POLR2J: variants seen among roughly 807,000 people sequenced by gnomAD.
POLR2J encodes RNA polymerase II subunit J, also known as DNA-directed RNA polymerase II subunit RPB11-a.
POLR2J carries 12 observed loss-of-function variants against 13.4 expected under a neutral mutation model. That is an observed-to-expected ratio of 0.90 (90% CI 0.57 to 1.45). POLR2J has a LOEUF of 1.45. Ranked by LOEUF, POLR2J falls within the 40% of genes most tolerant of loss-of-function variation. The pLI is 0.00. For synonymous variants in POLR2J, 31 were observed against 53.6 expected (o/e 0.58, Z 1.84); for missense variants, 58 against 132.0 (o/e 0.44, Z 2.75).
chr7:102,478,865 C>A lies in POLR2J; in HGVS notation c.-5G>T, dbSNP rs1472874206. 1.2e-6 allele frequency: 2 copies of A among 1,610,648 alleles called. No homozygotes were observed. Among genetic ancestry groups the A allele is most frequent in the Non-Finnish European group, 8.5e-7 (1 of 1,179,702 alleles). Reference sequence around the variant, plus strand: ...GAAGGCTGGAGGGGCGTTCATGCTCCCGCCGCCGTTGCGTCCAGACCCCAA... The same window carrying A: ...GAAGGCTGGAGGGGCGTTCATGCTCACGCCGCCGTTGCGTCCAGACCCCAA... On this transcript the variant is annotated 5_prime_UTR_variant, in exon 1 of 4. Transcript: ENST00000292614.
chr7:102,474,065 A>C, intron 3 of POLR2J: 1 of 1,405,028 alleles, frequency 7.1e-7, no homozygotes, highest in Non-Finnish European at 9.3e-7. Flanking sequence ...ATCACCAACA[A>C]GGGACGTAGA....
chr7:102,473,264 T>C lies in POLR2J; in HGVS notation c.*385A>G, dbSNP rs1253735157. The C allele has an allele frequency of 1.1e-5, 7 of 635,564 alleles. No individual in the cohort carries two copies. The African/African-American group carries it at 1.3e-4, about 12-fold the overall frequency. 39.4% of individuals were successfully genotyped at this position (635,564 alleles called of 1,614,324 possible). A position where few individuals can be genotyped will look rare whatever the true frequency, so the allele number is the denominator to read the frequency against. On this transcript the variant is annotated 3_prime_UTR_variant, in exon 4 of 4. Coordinates refer to ENST00000292614, the MANE Select transcript of POLR2J (RefSeq NM_006234.6). ...GTTGAGGCTTCTAGAGCAGAGACTC[T>C]TGGGAGCTCATGGGTTTGCACACTT...
In POLR2J at chr7:102,473,434, C is replaced by T. The variant is rs760347664; in HGVS notation, c.*215G>A. 1.0e-4 allele frequency: 69 copies of T among 685,724 alleles called. No homozygotes were observed. The highest frequency in any genetic ancestry group is 2.1e-4 in the South Asian group (9 of 43,832). 42.5% of individuals were successfully genotyped at this position (685,724 alleles called of 1,614,324 possible). A position where few individuals can be genotyped will look rare whatever the true frequency, so the allele number is the denominator to read the frequency against. ...ACAATCCATTTGCTTGCGAAGTCAC[C>T]GCTGCTCAAGTCCACATCCAGGTCT... On this transcript the variant is annotated 3_prime_UTR_variant, in exon 4 of 4. Transcript: ENST00000292614.
At position 102,478,727 on chromosome 7, in the gene POLR2J, C is replaced by A. The variant is rs1475901921; in HGVS notation, c.53+81G>T. On this transcript the variant is annotated intron_variant, in intron 1 of 3. Transcript: ENST00000292614. ...AGCAAAAGCTGTTTCCCTCCCGGGG[C>A]AAGAGATGGGCAGGAGACACCCCAG... 16 of 1,579,860 alleles carry A rather than the reference C, an allele frequency of 1.0e-5. No homozygotes were observed. In the African/African-American group the frequency reaches 1.4e-4, roughly 13 times the overall value.
At position 102,473,594 on chromosome 7, in the gene POLR2J, G is replaced by A. The variant is rs1798307023; in HGVS notation, c.*55C>T. On this transcript the variant is annotated 3_prime_UTR_variant, in exon 4 of 4. Coordinates refer to ENST00000292614, the MANE Select transcript of POLR2J (RefSeq NM_006234.6). ...CCTCGGTGTGGTACCTGGAGCGGAG[G>A]GTCAGGCACAGGTAGGAACGGGGCT... 4 of 1,608,886 alleles carry A rather than the reference G, an allele frequency of 2.5e-6. No homozygotes were observed. The highest frequency in any genetic ancestry group is 8.5e-7 in the Non-Finnish European group (1 of 1,177,958).
At position 102,473,221 on chromosome 7, in the gene POLR2J, T is replaced by TGACA; in HGVS notation, c.*424_*427dup. 7 of 795,506 alleles carry TGACA rather than the reference T, an allele frequency of 8.8e-6. No homozygotes were observed. The highest frequency in any genetic ancestry group is 7.7e-5 in the South Asian group (4 of 52,218). The allele number at this position is 795,506 out of a possible 1,614,324, so 49.3% of individuals were successfully genotyped here. A position where few individuals can be genotyped will look rare whatever the true frequency, so the allele number is the denominator to read the frequency against. ...CAGGAAGAAGTGTTCCTGCTTTGACTGACAGGCAGGCCCAGGAGTTGAGGC... is the reference window on the plus strand; with the variant it reads ...CAGGAAGAAGTGTTCCTGCTTTGACTGACAGACAGGCAGGCCCAGGAGTTGAGGC... On this transcript the variant is annotated 3_prime_UTR_variant, in exon 4 of 4. Transcript: ENST00000292614.
Position 102,473,171 on chromosome 7 carries a change from C to T in POLR2J, c.*478G>A, listed in dbSNP as rs1264877217. The T allele has an allele frequency of 5.9e-6, 7 of 1,186,946 alleles. No individual in the cohort carries two copies. Among genetic ancestry groups the T allele is most frequent in the Non-Finnish European group, 8.2e-6 (7 of 856,940 alleles). 73.5% of individuals were successfully genotyped at this position (1,186,946 alleles called of 1,614,324 possible). A position where few individuals can be genotyped will look rare whatever the true frequency, so the allele number is the denominator to read the frequency against. ...TTAAACTCTACTGTGGACAAGAAGC[C>T]TGTGGAAAGGTGTTTCGAGTTATGC... On this transcript the variant is annotated 3_prime_UTR_variant, in exon 4 of 4. Coordinates refer to ENST00000292614, the MANE Select transcript of POLR2J (RefSeq NM_006234.6).
chr7:102,474,169 G>A (rs1378632721), intron 3 of POLR2J, 192 bp downstream of exon 3: 66 of 1,540,538 alleles, frequency 4.3e-5, no homozygotes, highest in East Asian at 2.0e-4. Flanking sequence ...TGGGGCAGAC[G>A]GGAGCCACAG....
rs572417991 is a variant in POLR2J at position 102,474,096 on chromosome 7, T to G, written c.318+265A>C. The G allele has an allele frequency of 7.7e-3, 11,317 of 1,468,442 alleles. 62 individuals are homozygous for G. The highest frequency in any genetic ancestry group is 9.2e-3 in the Non-Finnish European group (10,256 of 1,113,506). The allele number at this position is 1,468,442 out of a possible 1,614,324, so 91.0% of individuals were successfully genotyped here. A position where few individuals can be genotyped will look rare whatever the true frequency, so the allele number is the denominator to read the frequency against. ...GTAGAAGAGCACCCCCAAAGGACAG[T>G]AGGTCCCCGCCCCGATCTGGCCCAC... On this transcript the variant is annotated intron_variant, in intron 3 of 3. Coordinates refer to ENST00000292614, the MANE Select transcript of POLR2J (RefSeq NM_006234.6).
At chr7:102,473,958 A>T in intron 3 of POLR2J, 2 of 1,434,724 alleles carry the variant, frequency 1.4e-6, no homozygotes, top group South Asian at 1.5e-5. Flanking sequence ...TTTCCCCTCT[A>T]AACTGTTCTA....
intron 3 of POLR2J, 91 bp from the exon 4 acceptor site, chr7:102,473,775 T>C (rs1217694289): frequency 3.2e-6 from 5 of 1,573,404 alleles, no homozygotes; most frequent in South Asian, 2.3e-5. Flanking sequence ...CGCCAGGCCC[T>C]TCCTGGAGGG....
At position 102,473,536 on chromosome 7, in the gene POLR2J, A is replaced by G; in HGVS notation, c.*113T>C. 2 of 1,512,954 alleles carry G rather than the reference A, an allele frequency of 1.3e-6. No individual in the cohort carries two copies. The highest frequency in any genetic ancestry group is 1.8e-6 in the Non-Finnish European group (2 of 1,122,948). The allele number at this position is 1,512,954 out of a possible 1,614,324, so 93.7% of individuals were successfully genotyped here. A position where few individuals can be genotyped will look rare whatever the true frequency, so the allele number is the denominator to read the frequency against. ...GTCGGTGTCAGGGTGAGGGGTGGCC[A>G]CAAGGCGGGCCATGGCTGGGACCGG... On this transcript the variant is annotated 3_prime_UTR_variant, in exon 4 of 4. Coordinates refer to ENST00000292614, the MANE Select transcript of POLR2J (RefSeq NM_006234.6).
chr7:102,473,701 T>A lies in POLR2J; in HGVS notation c.319-17A>T. The A allele has an allele frequency of 6.8e-6, 11 of 1,613,418 alleles. No individual in the cohort carries two copies. Among genetic ancestry groups the A allele is most frequent in the Non-Finnish European group, 9.3e-6 (11 of 1,179,760 alleles). On this transcript the variant is annotated splice_polypyrimidine_tract_variant and intron_variant, in intron 3 of 3. Coordinates refer to ENST00000292614, the MANE Select transcript of POLR2J (RefSeq NM_006234.6). ...TATGGCCACCTGGGAGAGAAGAAGG[T>A]GGTGGAGACTGAGCTGGAACAGCTG...
At chr7:102,474,313 G>C (rs759570154) in intron 3 of POLR2J, 48 bp downstream of exon 3, 3 of 1,611,736 alleles carry the variant, frequency 1.9e-6, no homozygotes, top group Non-Finnish European at 2.5e-6. Flanking sequence ...TGGGCACACG[G>C]GCCAGTGTCC....
At position 102,473,157 on chromosome 7, in the gene POLR2J, T is replaced by TGTG. The variant is rs1798277077; in HGVS notation, c.*489_*491dup. ...AGTGAATATTTTTATTAAACTCTAC[T>TGTG]GTGGACAAGAAGCCTGTGGAAAGGT... On this transcript the variant is annotated 3_prime_UTR_variant, in exon 4 of 4. Transcript: ENST00000292614. 1.6e-6 allele frequency: 2 copies of TGTG among 1,273,284 alleles called. No homozygotes were observed. The highest frequency in any genetic ancestry group is 2.2e-6 in the Non-Finnish European group (2 of 926,096). 78.9% of individuals were successfully genotyped at this position (1,273,284 alleles called of 1,614,324 possible).
chr7:102,474,329 A>G, intron 3 of POLR2J, 32 bp downstream of exon 3: 2 of 1,611,020 alleles, frequency 1.2e-6, no homozygotes, highest in South Asian at 2.2e-5. Flanking sequence ...TGTCCAGCCC[A>G]CCCCGTCTGC....
chr7:102,473,977 T>G (rs9692124), intron 3 of POLR2J: 976,674 of 1,433,408 alleles, frequency 0.68, 340,352 homozygotes, highest in Non-Finnish European at 0.72. Context: ...TAGATTCCCA[T>G]GCGCCCTGCC....
chr7:102,475,604 C>T (rs1306503584), intron 2 of POLR2J, among the ~76,000 whole-genome samples: 1 of 152,238 alleles, frequency 6.6e-6, no homozygotes, highest in South Asian at 2.1e-4. Flanking sequence ...ATCTGCTGCT[C>T]GTTCATTTAC....
chr7:102,473,187 C>T lies in POLR2J; in HGVS notation c.*462G>A, dbSNP rs1005327614. On this transcript the variant is annotated 3_prime_UTR_variant, in exon 4 of 4. Transcript: ENST00000292614. The stretch of plus-strand genomic sequence containing the variant: ...ACAAGAAGCCTGTGGAAAGGTGTTT[C>T]GAGTTATGCAGGAAGAAGTGTTCCT... The T allele has an allele frequency of 6.5e-5, 67 of 1,034,804 alleles. No individual in the cohort carries two copies. Among genetic ancestry groups the T allele is most frequent in the Non-Finnish European group, 8.5e-5 (62 of 728,486 alleles). 64.1% of individuals were successfully genotyped at this position (1,034,804 alleles called of 1,614,324 possible).
Sources: gnomAD v4.1 joint callset for allele counts (sites outside exome capture counted in the v4.1 genomes callset) on GRCh38, gnomAD v4.1.1 for gene constraint, MANE v1.5 for transcripts, NCBI Gene and HGNC (gene_info 2026-07-23, HGNC 2026-07-21) for gene names.